The following MPPED2 variants were observed in gnomAD, a reference collection of about 807,000 sequenced individuals.
MPPED2 encodes metallophosphoesterase domain containing 2.
Under a neutral mutation model 33.0 loss-of-function variants are expected in MPPED2, and 5 were observed. That is an observed-to-expected ratio of 0.15 (90% CI 0.08 to 0.32). MPPED2 has a LOEUF of 0.32. MPPED2 is among the 10% of genes least tolerant of loss of function. The pLI is 1.00. For synonymous variants in MPPED2, 136 were observed against 141.9 expected (o/e 0.96, Z 0.29); for missense variants, 275 against 372.1 (o/e 0.74, Z 2.15).
At chr11:30,561,278 GT>G (rs1484222122) in intron 2 of MPPED2, among the ~76,000 whole-genome samples, 1 of 152,188 alleles carries the variant, frequency 6.6e-6, no homozygotes, top group East Asian at 1.9e-4. Context: ...TGCCTACTAA[GT>G]TGGGGTCTTG....
intron 4 of MPPED2, among the ~76,000 whole-genome samples, chr11:30,484,959 T>C (rs1252417844): frequency 6.6e-6 from 1 of 152,136 alleles, no homozygotes; most frequent in Admixed American, 6.6e-5. Flanking sequence ...ACCATGGTAA[T>C]ACCACCATAG....
chr11:30,397,822 A>G (rs1046467476), intron 6 of MPPED2, among the ~76,000 whole-genome samples: 9 of 152,128 alleles, frequency 5.9e-5, no homozygotes, highest in Admixed American at 1.3e-4. Flanking sequence ...CATGTTAAAA[A>G]TATGATACTA....
intron 2 of MPPED2, among the ~76,000 whole-genome samples, chr11:30,540,971 C>T (rs115876500): frequency 0.031 from 4,703 of 152,220 alleles, 101 homozygotes; most frequent in Admixed American, 0.061. Flanking sequence ...GGGGAGAATC[C>T]CTCCCTTTGT....
intron 4 of MPPED2, among the ~76,000 whole-genome samples, chr11:30,441,893 CT>C (rs1238297108): frequency 6.6e-6 from 1 of 152,192 alleles, no homozygotes; most frequent in African/African-American, 2.4e-5. Context: ...ACCCATGAAA[CT>C]GCTCCTTCAC....
chr11:30,580,223 T>C (rs1200163222), intron 2 of MPPED2, 23 bp downstream of exon 2: 1 of 1,597,400 alleles, frequency 6.3e-7, no homozygotes, highest in Non-Finnish European at 8.5e-7. Flanking sequence ...GCTAATTTTG[T>C]TAAGTTCATA....
At chr11:30,559,671 T>C (rs1432139406) in intron 2 of MPPED2, among the ~76,000 whole-genome samples, 2 of 152,134 alleles carry the variant, frequency 1.3e-5, no homozygotes, top group Admixed American at 6.5e-5. Flanking sequence ...TTGAAAGTTA[T>C]TTTTTTAATT....
intron 1 of MPPED2, among the ~76,000 whole-genome samples, chr11:30,585,568 G>A (rs1169657263): frequency 1.3e-5 from 2 of 152,006 alleles, no homozygotes; most frequent in East Asian, 3.9e-4. Flanking sequence ...TAAACAGCTC[G>A]CTGAGCCCTC....
At chr11:30,437,982 A>G (rs1451097198) in intron 4 of MPPED2, among the ~76,000 whole-genome samples, 1 of 152,160 alleles carries the variant, frequency 6.6e-6, no homozygotes, top group Non-Finnish European at 1.5e-5. Context: ...GAACTCTGGC[A>G]TATCTTCCTG....
chr11:30,554,134 C>T (rs913180176), intron 2 of MPPED2, among the ~76,000 whole-genome samples: 3 of 152,150 alleles, frequency 2.0e-5, no homozygotes, highest in Non-Finnish European at 4.4e-5. Flanking sequence ...GTTCTCCGCC[C>T]TCATGTCAAT....
chr11:30,540,453 A>G (rs1187572112), intron 2 of MPPED2, among the ~76,000 whole-genome samples: 2 of 152,224 alleles, frequency 1.3e-5, no homozygotes, highest in Non-Finnish European at 2.9e-5. Flanking sequence ...ATGAGAATAA[A>G]AAATGATAAT....
intron 6 of MPPED2, among the ~76,000 whole-genome samples, chr11:30,390,050 T>C (rs1400434720): frequency 1.3e-5 from 2 of 152,238 alleles, no homozygotes; most frequent in Non-Finnish European, 2.9e-5. Flanking sequence ...ATATATTTAG[T>C]ATGTAAGTGT....
chr11:30,542,353 T>A lies in MPPED2; in HGVS notation c.129-6178A>T, dbSNP rs1044422571. ...CACGAGCCAGGTTCGGTGGCTCATG[T>A]CTGTAATCCCAGCACTTTGGGAGGC... is the stretch of plus-strand genomic sequence containing the variant. On this transcript the variant is annotated intron_variant, in intron 2 of 6. Coordinates refer to ENST00000358117, the MANE Select transcript of MPPED2 (RefSeq NM_001584.3). Among the ~76,000 whole-genome samples, 8 of 151,444 alleles carry A rather than the reference T, an allele frequency of 5.3e-5. No homozygotes were observed. In the East Asian group the frequency reaches 1.6e-3, roughly 29 times the overall value.
chr11:30,405,936 G>C (rs1947982367), downstream of MPPED2, among the ~76,000 whole-genome samples: 2 of 152,092 alleles, frequency 1.3e-5, no homozygotes. Flanking sequence ...GCACATCCAA[G>C]GCTACCCAGC....
chr11:30,493,140 T>G (rs896072536), intron 4 of MPPED2, among the ~76,000 whole-genome samples: 3 of 151,986 alleles, frequency 2.0e-5, no homozygotes, highest in African/African-American at 7.2e-5. Context: ...ATCTCGCACT[T>G]TGGGAGGCCG....
At chr11:30,567,894 C>T (rs753557027) in intron 2 of MPPED2, among the ~76,000 whole-genome samples, 18 of 152,172 alleles carry the variant, frequency 1.2e-4, no homozygotes, top group Non-Finnish European at 2.4e-4. Context: ...TTAACAGAGA[C>T]TCAATCCTTC....
intron 4 of MPPED2, among the ~76,000 whole-genome samples, chr11:30,427,133 T>C (rs548942771): frequency 2.0e-5 from 3 of 152,272 alleles, no homozygotes; most frequent in African/African-American, 7.2e-5. Context: ...AGGTAGATTG[T>C]TTTTCTAACT....
At chr11:30,580,830 T>C (rs1260173428) in intron 1 of MPPED2, among the ~76,000 whole-genome samples, 1 of 152,216 alleles carries the variant, frequency 6.6e-6, no homozygotes, top group Non-Finnish European at 1.5e-5. Flanking sequence ...GTGCTCCAAG[T>C]GAAGAATCTT....
chr11:30,454,416 T>TC (rs1950191835), intron 4 of MPPED2, among the ~76,000 whole-genome samples: 1 of 151,920 alleles, frequency 6.6e-6, no homozygotes, highest in Admixed American at 6.6e-5. Context: ...GCAAACATTT[T>TC]CCCCGAGCAT....
chr11:30,390,989 A>G (rs1286964230), intron 6 of MPPED2, among the ~76,000 whole-genome samples: 1 of 152,200 alleles, frequency 6.6e-6, no homozygotes, highest in Non-Finnish European at 1.5e-5. Context: ...GGTGTGGAGA[A>G]ATAGACTCTA....
Sources: gnomAD v4.1 joint callset for allele counts (sites outside exome capture counted in the v4.1 genomes callset) on GRCh38, gnomAD v4.1.1 for gene constraint, MANE v1.5 for transcripts, NCBI Gene and HGNC (gene_info 2026-07-23, HGNC 2026-07-21) for gene names.